The following BTBD1 variants were observed in gnomAD, a reference collection of about 807,000 sequenced individuals.
BTBD1 encodes the protein BTB domain containing 1.
Under a neutral mutation model 48.0 loss-of-function variants are expected in BTBD1, and 34 were observed. That is an observed-to-expected ratio of 0.71 (90% confidence interval 0.54 to 0.94). The LOEUF is 0.94. BTBD1 is among the 40% of genes least tolerant of loss of function. The pLI is 0.00. For synonymous variants in BTBD1, 261 were observed against 242.1 expected, an observed-to-expected ratio of 1.08 and a Z score of -0.72; for missense variants, 543 against 625.6, an observed-to-expected ratio of 0.87 and a Z score of 1.41.
intron 3 of BTBD1, among the ~76,000 whole-genome samples, chr15:83,043,941 A>C (rs558962571): frequency 1.3e-5 from 2 of 152,342 alleles, no homozygotes; most frequent in African/African-American, 4.8e-5. Flanking sequence ...AAATAAGCTC[A>C]GTTACTTTTA....
At chr15:83,049,978 C>G in intron 3 of BTBD1, 95 bp downstream of exon 3, 1 of 647,980 alleles carries the variant, frequency 1.5e-6, no homozygotes. Flanking sequence ...TTTGGGAAAG[C>G]CACTGATTTA....
intron 7 of BTBD1, 140 bp from the exon 8 acceptor site, chr15:83,018,365 T>G (rs1404592476): frequency 1.3e-6 from 1 of 773,626 alleles, no homozygotes; most frequent in Admixed American, 3.8e-5. Context: ...TAGAGAAAAA[T>G]GAAGTTTTTA....
At chr15:83,041,956 A>C (rs1441235028) in intron 3 of BTBD1, 31 bp from the exon 4 acceptor site, 46 of 1,597,508 alleles carry the variant, frequency 2.9e-5, no homozygotes, top group Non-Finnish European at 3.9e-5. Context: ...AAACCCAATT[A>C]GAAATATTTT....
intron 2 of BTBD1, 60 bp downstream of exon 2, chr15:83,056,329 A>T: frequency 8.6e-7 from 1 of 1,159,272 alleles, no homozygotes; most frequent in Non-Finnish European, 1.3e-6. Flanking sequence ...TTAAATGCCC[A>T]TATATAGTTT....
At chr15:83,046,623 A>C (rs1452532593) in intron 3 of BTBD1, among the ~76,000 whole-genome samples, 1 of 150,322 alleles carries the variant, frequency 6.7e-6, no homozygotes, top group Non-Finnish European at 1.5e-5. Context: ...TTCAAATGAG[A>C]ACACACTGAA....
At chr15:83,035,262 C>T (rs1250968676) in intron 4 of BTBD1, among the ~76,000 whole-genome samples, 1 of 152,022 alleles carries the variant, frequency 6.6e-6, no homozygotes, top group Admixed American at 6.6e-5. Context: ...CCACTGCACT[C>T]CAGCCTGGGT....
At chr15:83,041,405 T>C (rs1032678493) in intron 4 of BTBD1, among the ~76,000 whole-genome samples, 2 of 151,374 alleles carry the variant, frequency 1.3e-5, no homozygotes, top group African/African-American at 4.9e-5. Flanking sequence ...TCGTGGAATC[T>C]CGCTCTGTCG....
At chr15:83,051,372 A>C (rs543751522) in intron 2 of BTBD1, among the ~76,000 whole-genome samples, 2 of 152,142 alleles carry the variant, frequency 1.3e-5, no homozygotes, top group East Asian at 3.9e-4. Context: ...CTACTGAACA[A>C]CTGATAAATA....
chr15:83,051,400 T>G (rs2032978671), intron 2 of BTBD1, among the ~76,000 whole-genome samples: 1 of 151,764 alleles, frequency 6.6e-6, no homozygotes, highest in Admixed American at 6.6e-5. Flanking sequence ...AATTATCATG[T>G]GTTTTATGGG....
intron 3 of BTBD1, among the ~76,000 whole-genome samples, chr15:83,047,126 G>GT (rs2032894248): frequency 6.6e-6 from 1 of 152,190 alleles, no homozygotes; most frequent in South Asian, 2.1e-4. Context: ...CCTTCAAGGA[G>GT]TTTACAATTT....
In BTBD1 at chr15:83,053,414, A is replaced by T. The variant is rs369488144; in HGVS notation, c.558+2975T>A. On this transcript the variant is annotated intron_variant, in intron 2 of 7. Transcript: ENST00000261721. ...GATACTGAAAAGTTTTTTTTTTCTC[A>T]TAGTGACACCTGTTAATCCTTGCTA... is the stretch of plus-strand genomic sequence containing the variant. Among the ~76,000 whole-genome samples the T allele has an allele frequency of 7.2e-5, 11 of 152,098 alleles. No individual in the cohort carries two copies. The East Asian group carries it at 2.1e-3, about 29-fold the overall frequency.
At chr15:83,042,348 TTATATATATATATATA>T (rs61294242) in intron 3 of BTBD1, among the ~76,000 whole-genome samples, 1 of 109,896 alleles carries the variant, frequency 9.1e-6, no homozygotes, top group Non-Finnish European at 1.8e-5. Context: ...TTAGGCAATT[TTATATATATATATATA>T]TATATATATA....
At position 83,016,812 on chromosome 15, in the gene BTBD1, G is replaced by C. The variant is rs879723749; in HGVS notation, c.*1255C>G. 3.3e-5 allele frequency: 5 copies of C among 152,188 alleles called. No homozygotes were observed. In the East Asian group the frequency reaches 9.6e-4, roughly 29 times the overall value. The allele number at this position is 152,188 out of a possible 1,614,324, so 9.4% of individuals were successfully genotyped here. ...ATACCTACCTTCTTTACAATATAAA[G>C]TGAAATATTACTTTAGATGAAAATT... is the stretch of plus-strand genomic sequence containing the variant. On this transcript the variant is annotated 3_prime_UTR_variant, in exon 8 of 8. Coordinates refer to ENST00000261721, the MANE Select transcript of BTBD1 (RefSeq NM_025238.4).
chr15:83,066,081 C>T (rs974988730), intron 1 of BTBD1, among the ~76,000 whole-genome samples: 1 of 152,152 alleles, frequency 6.6e-6, no homozygotes, highest in Admixed American at 6.5e-5. Flanking sequence ...CGCTTGACCC[C>T]AGGAGTCCGA....
At chr15:83,032,869 G>T (rs2032546800) in intron 4 of BTBD1, among the ~76,000 whole-genome samples, 1 of 151,374 alleles carries the variant, frequency 6.6e-6, no homozygotes, top group Non-Finnish European at 1.5e-5. Context: ...CTACTAAGGA[G>T]GCTGAGGCAG....
rs117553868 is a variant in BTBD1 at position 83,033,769 on chromosome 15, C to T, written c.863-3441G>A. ...ATTTTTAAATTTTTTTTTGTAAAGACAGGGTTTCGCCATTTTGCCGAGGCT... is the reference window on the plus strand; with the variant it reads ...ATTTTTAAATTTTTTTTTGTAAAGATAGGGTTTCGCCATTTTGCCGAGGCT... On this transcript the variant is annotated intron_variant, in intron 4 of 7. Transcript: ENST00000261721. Among the ~76,000 whole-genome samples the T allele has an allele frequency of 9.7e-3, 1,469 of 151,876 alleles. 123 individuals carry two copies. The East Asian group carries it at 0.21, about 21-fold the overall frequency.
intron 3 of BTBD1, among the ~76,000 whole-genome samples, chr15:83,048,211 A>G (rs2151309392): frequency 6.6e-6 from 1 of 152,332 alleles, no homozygotes; most frequent in South Asian, 2.1e-4. Flanking sequence ...AGCCCAAGCA[A>G]TCAGGTTCAT....
At chr15:83,061,374 T>G (rs1596445486) in intron 1 of BTBD1, 1 of 152,174 alleles carries the variant, frequency 6.6e-6, no homozygotes, top group Non-Finnish European at 1.5e-5. Context: ...CTGAAATGAT[T>G]AAAAAGTAAT....
chr15:83,032,979 A>AC (rs1471575283), intron 4 of BTBD1, among the ~76,000 whole-genome samples: 2 of 151,540 alleles, frequency 1.3e-5, no homozygotes, highest in East Asian at 3.9e-4. Context: ...CAAAAAAAAA[A>AC]AAAAAAAAAC....
Sources: allele counts gnomAD v4.1 joint callset (sites outside exome capture counted in the v4.1 genomes callset), GRCh38; gene constraint gnomAD v4.1.1; transcripts MANE v1.5; gene names NCBI Gene and HGNC (gene_info 2026-07-23, HGNC 2026-07-21).